TRAK1: variants seen among roughly 807,000 people sequenced by gnomAD.
TRAK1 encodes trafficking kinesin protein 1.
Under a neutral mutation model 92.1 loss-of-function variants are expected in TRAK1, and 33 were observed. The observed-to-expected ratio is 0.36, with a 90% CI of 0.27 to 0.48. The LOEUF (loss-of-function observed/expected upper bound fraction) is 0.48, where lower values mean the gene tolerates loss of function less well. TRAK1 is among the 20% of genes least tolerant of loss of function. The pLI is 0.99. For missense variants in TRAK1, 1,123 were observed against 1,257.9 expected (o/e 0.89, Z 1.62); for synonymous variants, 521 against 517.3 (o/e 1.01, Z -0.10).
chr3:42,175,660 A>G (rs1703119791), intron 2 of TRAK1, among the ~76,000 whole-genome samples: 1 of 152,196 alleles, frequency 6.6e-6, no homozygotes, highest in South Asian at 2.1e-4. Flanking sequence ...ATTTACTAGG[A>G]TGATCTCTAC....
chr3:42,052,205 C>T (rs1703011318), intron 1 of TRAK1, among the ~76,000 whole-genome samples: 1 of 152,216 alleles, frequency 6.6e-6, no homozygotes, highest in Admixed American at 6.5e-5. Context: ...GATTATGTGG[C>T]TTGACATTAC....
intron 1 of TRAK1, among the ~76,000 whole-genome samples, chr3:42,103,249 T>C (rs576454588): frequency 2.6e-5 from 4 of 152,224 alleles, no homozygotes; most frequent in Middle Eastern, 3.4e-3. Flanking sequence ...CTCACTGCAA[T>C]CTCTGCCTCC....
chr3:42,065,540 C>T (rs1047127211), intron 1 of TRAK1, among the ~76,000 whole-genome samples: 5 of 152,004 alleles, frequency 3.3e-5, no homozygotes, highest in Non-Finnish European at 7.4e-5. Flanking sequence ...TGCGTAAAGG[C>T]TATTCAGTTT....
Position 42,210,406 on chromosome 3 carries a change from A to T in TRAK1, c.1963+421A>T, listed in dbSNP as rs1343257722. The T allele has an allele frequency of 1.6e-4, 44 of 274,108 alleles. No individual in the cohort carries two copies. In the South Asian group the frequency reaches 3.7e-3, roughly 23 times the overall value. 17.0% of individuals were successfully genotyped at this position (274,108 alleles called of 1,614,324 possible). A position where few individuals can be genotyped will look rare whatever the true frequency, so the allele number is the denominator to read the frequency against. On this transcript the variant is annotated intron_variant, in intron 14 of 15. Coordinates refer to ENST00000327628, the MANE Select transcript of TRAK1 (RefSeq NM_001042646.3). Reference sequence around the variant, plus strand: ...AAGTGGGAGCAGGAAAGGCTGCTAAAAAAAAAAAAAAAAAAAAAAGTGGGC... The same window carrying T: ...AAGTGGGAGCAGGAAAGGCTGCTAATAAAAAAAAAAAAAAAAAAAGTGGGC...
At chr3:42,048,549 T>TC (rs1702851905) in intron 1 of TRAK1, among the ~76,000 whole-genome samples, 1 of 148,130 alleles carries the variant, frequency 6.8e-6, no homozygotes, top group Non-Finnish European at 1.5e-5. Flanking sequence ...GTTCTTTTTT[T>TC]CCTCTACAGT....
At chr3:42,128,318 T>C (rs1013978016) in intron 2 of TRAK1, among the ~76,000 whole-genome samples, 6 of 152,214 alleles carry the variant, frequency 3.9e-5, no homozygotes, top group African/African-American at 1.2e-4. Flanking sequence ...ACACAACTTA[T>C]GATAAAACTG....
intron 1 of TRAK1, among the ~76,000 whole-genome samples, chr3:42,124,283 T>C (rs1710281174): frequency 6.6e-6 from 1 of 152,214 alleles, no homozygotes; most frequent in South Asian, 2.1e-4. Flanking sequence ...GGTTTATTTA[T>C]GGGTTGACAA....
intron 1 of TRAK1, among the ~76,000 whole-genome samples, chr3:42,029,595 G>A (rs1367648415): frequency 6.6e-6 from 1 of 151,006 alleles, no homozygotes; most frequent in Non-Finnish European, 1.5e-5. Context: ...TGTTGGCCAG[G>A]CTGGAGTGCT....
At chr3:42,212,391 G>A (rs1436090872) in intron 14 of TRAK1, 10 of 985,300 alleles carry the variant, frequency 1.0e-5, no homozygotes, top group Non-Finnish European at 1.2e-5. Context: ...TGTGCAGCTG[G>A]TATGATAGAA....
At chr3:42,218,806 G>T (rs1306669180) in intron 14 of TRAK1, 3 of 985,276 alleles carry the variant, frequency 3.0e-6, no homozygotes, top group African/African-American at 3.5e-5. Flanking sequence ...CAGCTAGGGG[G>T]TATGGGGACC....
At chr3:42,215,323 C>T (rs557162538) in intron 14 of TRAK1, among the ~76,000 whole-genome samples, 1 of 152,178 alleles carries the variant, frequency 6.6e-6, no homozygotes, top group African/African-American at 2.4e-5. Flanking sequence ...CCCTTTCCAC[C>T]CCTCAAGCAA....
At chr3:42,129,418 C>G (rs1171931867) in intron 2 of TRAK1, among the ~76,000 whole-genome samples, 1 of 152,132 alleles carries the variant, frequency 6.6e-6, no homozygotes, top group East Asian at 1.9e-4. Flanking sequence ...CAGCCCCTTC[C>G]TGCACATCCT....
intron 1 of TRAK1, among the ~76,000 whole-genome samples, chr3:42,093,697 C>T (rs1367287615): frequency 7.2e-5 from 3 of 41,916 alleles, no homozygotes; most frequent in Non-Finnish European, 1.5e-4. Context: ...CTCCCCTCCC[C>T]TCCCCTCCCC....
intron 1 of TRAK1, among the ~76,000 whole-genome samples, chr3:42,027,446 C>G (rs1251908518): frequency 6.6e-6 from 1 of 151,876 alleles, no homozygotes; most frequent in African/African-American, 2.4e-5. Flanking sequence ...TGGCGTTAAC[C>G]CGGGAGGTGG....
upstream of TRAK1, among the ~76,000 whole-genome samples, chr3:42,089,674 G>GGC (rs765250539): frequency 2.3e-5 from 2 of 86,030 alleles, no homozygotes; most frequent in Admixed American, 1.3e-4. Context: ...TGCTTTTTGT[G>GGC]ACCCCCCCCC....
At chr3:42,058,672 C>T (rs1703298695) in intron 1 of TRAK1, among the ~76,000 whole-genome samples, 1 of 152,174 alleles carries the variant, frequency 6.6e-6, no homozygotes. Flanking sequence ...TCAACCTGTC[C>T]TACCTCCTGG....
intron 1 of TRAK1, among the ~76,000 whole-genome samples, chr3:42,015,626 T>G (rs1701492946): frequency 6.6e-6 from 1 of 152,250 alleles, no homozygotes; most frequent in South Asian, 2.1e-4. Flanking sequence ...CAGGTCTCCT[T>G]CCAACATGAT....
intron 1 of TRAK1, among the ~76,000 whole-genome samples, chr3:42,025,409 C>T (rs1479151852): frequency 6.6e-6 from 1 of 152,128 alleles, no homozygotes; most frequent in African/African-American, 2.4e-5. Context: ...ATTTTAAGGG[C>T]TTTATCCACT....
chr3:42,217,992 A>G (rs1709903048), intron 14 of TRAK1: 1 of 984,400 alleles, frequency 1.0e-6, no homozygotes. Context: ...GGAGCTCCCC[A>G]TGGCTGAGAG....
Sources: allele counts gnomAD v4.1 joint callset (sites outside exome capture counted in the v4.1 genomes callset), GRCh38; gene constraint gnomAD v4.1.1; transcripts MANE v1.5; gene names NCBI Gene and HGNC (gene_info 2026-07-23, HGNC 2026-07-21).